TAFA2: variants seen among roughly 807,000 people sequenced by gnomAD.
TAFA2 encodes chemokine-like protein TAFA-2.
In TAFA2, 7 loss-of-function variants were observed where a neutral mutation model predicts 18.8. The observed-to-expected ratio is 0.37, with a 90% CI of 0.21 to 0.70. The LOEUF is 0.70. Among genes scored for constraint, TAFA2 ranks in the 30% least tolerant of loss-of-function variants. The pLI is 0.53. For missense variants in TAFA2, 122 were observed against 158.1 expected (o/e 0.77, Z 1.23); for synonymous variants, 60 against 54.2 (o/e 1.11, Z -0.47).
intron 1 of TAFA2, among the ~76,000 whole-genome samples, chr12:61,992,049 T>A (rs1441998130): frequency 6.6e-6 from 1 of 152,184 alleles, no homozygotes; most frequent in Admixed American, 6.5e-5. Context: ...TCCTCACACC[T>A]CTGGTGTCTC....
chr12:62,172,274 G>A (rs2062483469), intron 1 of TAFA2, among the ~76,000 whole-genome samples: 1 of 151,842 alleles, frequency 6.6e-6, no homozygotes, highest in Admixed American at 6.6e-5. Flanking sequence ...TTTATTAAGA[G>A]ACAAAAATGT....
intron 2 of TAFA2, among the ~76,000 whole-genome samples, chr12:61,775,099 C>T (rs961129223): frequency 2.0e-5 from 3 of 151,712 alleles, no homozygotes; most frequent in Non-Finnish European, 4.4e-5. Flanking sequence ...CAGATAAATG[C>T]AAACTGAAAT....
chr12:61,892,510 T>C (rs1305743285), intron 1 of TAFA2, among the ~76,000 whole-genome samples: 1 of 152,186 alleles, frequency 6.6e-6, no homozygotes, highest in African/African-American at 2.4e-5. Flanking sequence ...AATATAAGTA[T>C]GTCCAAAACA....
rs145459199 is a variant in TAFA2 at position 61,876,902 on chromosome 12, G to A, written c.-1-9476C>T. Among the ~76,000 whole-genome samples, 98 of 152,230 alleles carry A rather than the reference G, an allele frequency of 6.4e-4. 1 individual carries two copies. Among genetic ancestry groups the A allele is most frequent in the Middle Eastern group, 3.4e-3 (1 of 294 alleles). On this transcript the variant is annotated intron_variant, in intron 1 of 4. Coordinates refer to ENST00000416284, the MANE Select transcript of TAFA2 (RefSeq NM_178539.5). ...GCGTTAAATCCCTGAGCACAGCAAC[G>A]TCACAATGAAAGAGACAGCGATGCT...
At chr12:61,787,335 A>G (rs1255558309) in intron 2 of TAFA2, among the ~76,000 whole-genome samples, 13 of 151,598 alleles carry the variant, frequency 8.6e-5, no homozygotes, top group Non-Finnish European at 1.9e-4. Context: ...CAAAGCCAAG[A>G]ACAATAATTA....
intron 2 of TAFA2, among the ~76,000 whole-genome samples, chr12:61,854,743 A>G (rs914983798): frequency 2.0e-5 from 3 of 152,198 alleles, no homozygotes; most frequent in Admixed American, 6.6e-5. Context: ...CAGCCAAACT[A>G]TCATTTAAAT....
At chr12:61,974,976 T>C (rs1175556096) in intron 1 of TAFA2, among the ~76,000 whole-genome samples, 1 of 151,712 alleles carries the variant, frequency 6.6e-6, no homozygotes, top group Non-Finnish European at 1.5e-5. Flanking sequence ...GATGATTTAG[T>C]AGTTGTTACA....
At chr12:61,717,999 C>T (rs974631315) in intron 4 of TAFA2, among the ~76,000 whole-genome samples, 3 of 152,124 alleles carry the variant, frequency 2.0e-5, no homozygotes, top group African/African-American at 7.2e-5. Flanking sequence ...GATAAAATGT[C>T]GTTTTGATGG....
At chr12:62,207,574 A>T (rs1245650) in intron 1 of TAFA2, among the ~76,000 whole-genome samples, 106,369 of 152,034 alleles carry the variant, frequency 0.7, 37,618 homozygotes, top group Middle Eastern at 0.81. Context: ...TGTTTCTGTT[A>T]TCTACATTTA....
chr12:61,835,583 GATTA>G (rs909564492), intron 2 of TAFA2, among the ~76,000 whole-genome samples: 1 of 151,896 alleles, frequency 6.6e-6, no homozygotes, highest in Non-Finnish European at 1.5e-5. Flanking sequence ...ACATGACCAT[GATTA>G]ATTTTTTTGT....
intron 2 of TAFA2, 35 bp downstream of exon 2, chr12:61,867,285 C>T: frequency 7.6e-7 from 1 of 1,311,888 alleles, no homozygotes. Context: ...AGTCATCATC[C>T]ACATTTAGTT....
chr12:61,834,044 A>G (rs1471342108), intron 2 of TAFA2, among the ~76,000 whole-genome samples: 1 of 152,044 alleles, frequency 6.6e-6, no homozygotes, highest in Non-Finnish European at 1.5e-5. Context: ...TCAAAATTCT[A>G]CTTTTCCTTC....
chr12:61,803,033 T>C (rs943059089), intron 2 of TAFA2, among the ~76,000 whole-genome samples: 1 of 151,992 alleles, frequency 6.6e-6, no homozygotes, highest in African/African-American at 2.4e-5. Flanking sequence ...TAACAGTTTC[T>C]AGACAATGGG....
chr12:62,151,639 T>A (rs532011997), intron 1 of TAFA2, among the ~76,000 whole-genome samples: 1 of 152,348 alleles, frequency 6.6e-6, no homozygotes, highest in African/African-American at 2.4e-5. Context: ...AGCTATTTAT[T>A]CTGATTCCAA....
chr12:62,040,693 A>C (rs1381290511), intron 1 of TAFA2, among the ~76,000 whole-genome samples: 2 of 151,978 alleles, frequency 1.3e-5, no homozygotes, highest in Non-Finnish European at 2.9e-5. Context: ...CAGCCACCCC[A>C]CTTCTGGTAC....
chr12:62,199,287 C>T (rs1011352424), intron 1 of TAFA2, among the ~76,000 whole-genome samples: 4 of 152,174 alleles, frequency 2.6e-5, no homozygotes, highest in African/African-American at 9.7e-5. Flanking sequence ...TGGTTTGCTG[C>T]ACCTATCAAC....
At chr12:61,908,786 T>C (rs934327050) in intron 1 of TAFA2, among the ~76,000 whole-genome samples, 2 of 152,202 alleles carry the variant, frequency 1.3e-5, no homozygotes, top group African/African-American at 4.8e-5. Flanking sequence ...AACATAAACA[T>C]GGTTTTTGCC....
intron 2 of TAFA2, among the ~76,000 whole-genome samples, chr12:61,836,823 T>C (rs1872953074): frequency 6.7e-6 from 1 of 149,122 alleles, no homozygotes; most frequent in Non-Finnish European, 1.5e-5. Context: ...AATAGTGAAA[T>C]TGAACCAGTG....
intron 1 of TAFA2, among the ~76,000 whole-genome samples, chr12:61,989,795 T>C (rs1592533436): frequency 6.6e-6 from 1 of 152,170 alleles, no homozygotes; most frequent in African/African-American, 2.4e-5. Flanking sequence ...GAGGGATATG[T>C]GGAGGAAACG....
Sources: gnomAD v4.1 joint callset for allele counts (sites outside exome capture counted in the v4.1 genomes callset) on GRCh38, gnomAD v4.1.1 for gene constraint, MANE v1.5 for transcripts, NCBI Gene and HGNC (gene_info 2026-07-23, HGNC 2026-07-21) for gene names.